The following PCDH11Y variants were observed in gnomAD, a reference collection of about 807,000 sequenced individuals.
The protein encoded by PCDH11Y is protocadherin-11 Y-linked.
For synonymous variants in PCDH11Y, 9 were observed against 83.6 expected (o/e 0.11, Z 4.87); for missense variants, 12 against 224.8 (o/e 0.05, Z 6.05).
intron 2 of PCDH11Y, among the ~76,000 whole-genome samples, chrY:5,254,302 A>G: frequency 3.0e-5 from 1 of 33,597 alleles, no homozygotes; most frequent in Admixed American, 2.8e-4. Flanking sequence ...AAATATTTCT[A>G]AAAATAAAGA....
At chrY:5,506,416 C>T (rs2053359055) in intron 3 of PCDH11Y, among the ~76,000 whole-genome samples, 1 of 32,139 alleles carries the variant, frequency 3.1e-5, no homozygotes, top group African/African-American at 1.2e-4. Context: ...ACGAAAGTCA[C>T]ATATCAATTC....
chrY:5,644,754 A>AGGCAATTCTGC (rs2053525622), intron 4 of PCDH11Y, among the ~76,000 whole-genome samples: 4 of 29,634 alleles, frequency 1.3e-4, no homozygotes, highest in South Asian at 8.0e-4. Context: ...GAATTGCTTG[A>AGGCAATTCTGC]ACCCAGGAGG....
At chrY:5,358,667 C>A (rs2053170841) in intron 2 of PCDH11Y, among the ~76,000 whole-genome samples, 1 of 32,200 alleles carries the variant, frequency 3.1e-5, no homozygotes, top group Non-Finnish European at 7.5e-5. Flanking sequence ...TCACGGAATG[C>A]ACAATTTACA....
At chrY:5,163,628 C>T in intron 2 of PCDH11Y, among the ~76,000 whole-genome samples, 1 of 32,213 alleles carries the variant, frequency 3.1e-5, no homozygotes, top group African/African-American at 1.2e-4. Flanking sequence ...AGTGAGTTCT[C>T]ATTAGATCTG....
chrY:5,373,480 G>A (rs1602914289), intron 2 of PCDH11Y, among the ~76,000 whole-genome samples: 11 of 30,189 alleles, frequency 3.6e-4, no homozygotes, highest in African/African-American at 9.2e-4. Flanking sequence ...CCACTGCGTC[G>A]GCCTGAATTT....
chrY:5,085,105 T>C, intron 1 of PCDH11Y, among the ~76,000 whole-genome samples: 1 of 33,244 alleles, frequency 3.0e-5, no homozygotes, highest in Non-Finnish European at 7.4e-5. Flanking sequence ...CCTGTCTTCC[T>C]CTAGTGAAGG....
intron 3 of PCDH11Y, among the ~76,000 whole-genome samples, chrY:5,530,680 T>A: frequency 3.0e-5 from 1 of 33,174 alleles, no homozygotes; most frequent in South Asian, 6.5e-4. Context: ...ATAGAAAGTT[T>A]TTCTAATTTT....
At chrY:5,211,822 A>G in intron 2 of PCDH11Y, among the ~76,000 whole-genome samples, 1 of 32,369 alleles carries the variant, frequency 3.1e-5, no homozygotes. Context: ...TTGTATTTTT[A>G]GTAGAAATGG....
rs2053586407 is a variant in PCDH11Y, at chrY:5,711,484, G to C, written c.3353-25788G>C. Among the ~76,000 whole-genome samples, 9 of 32,268 alleles carry C rather than the reference G, an allele frequency of 2.8e-4. No individual in the cohort carries two copies. In the South Asian group the frequency reaches 6.6e-3, roughly 24 times the overall value. The allele number at this position is 32,268 out of a possible 37,273, so 86.6% of individuals were successfully genotyped here. On this transcript the variant is annotated intron_variant, in intron 4 of 4. Coordinates refer to the PCDH11Y transcript ENST00000400457. ...ATGGCTTATTGATTTCACATAGGAGGTTACCTTTAGTAAAAAAGATTCAAG... is the reference window on the plus strand; with the variant it reads ...ATGGCTTATTGATTTCACATAGGAGCTTACCTTTAGTAAAAAAGATTCAAG...
chrY:5,044,870 CTTCT>C (rs2052630073), intron 3 of PCDH11Y, among the ~76,000 whole-genome samples: 1 of 33,001 alleles, frequency 3.0e-5, no homozygotes, highest in Non-Finnish European at 7.4e-5. Context: ...ATGTAATGGC[CTTCT>C]TTGTCTCTTT....
At chrY:5,202,399 G>A in intron 2 of PCDH11Y, among the ~76,000 whole-genome samples, 3 of 32,643 alleles carry the variant, frequency 9.2e-5, no homozygotes, top group African/African-American at 3.6e-4. Flanking sequence ...GATTTCTGAG[G>A]CCTTCAAAAG....
At chrY:5,177,932 A>G in intron 2 of PCDH11Y, among the ~76,000 whole-genome samples, 1 of 32,741 alleles carries the variant, frequency 3.1e-5, no homozygotes. Context: ...TTTACATTGC[A>G]TGCCTGTATC....
chrY:5,704,650 C>T, intron 4 of PCDH11Y, among the ~76,000 whole-genome samples: 1 of 30,901 alleles, frequency 3.2e-5, no homozygotes, highest in Non-Finnish European at 7.8e-5. Flanking sequence ...AGGATGGTCT[C>T]GATCTCCTGA....
chrY:5,045,098 T>G, intron 3 of PCDH11Y, among the ~76,000 whole-genome samples: 1 of 33,257 alleles, frequency 3.0e-5, no homozygotes, highest in Non-Finnish European at 7.4e-5. Flanking sequence ...ATTGGAGCAT[T>G]TAGTCCATTT....
intron 1 of PCDH11Y, among the ~76,000 whole-genome samples, chrY:5,085,363 G>A: frequency 1.2e-4 from 4 of 33,532 alleles, no homozygotes; most frequent in East Asian, 7.9e-4. Context: ...CTTGAAAAGC[G>A]GTTGTAGTTA....
At position 5,320,352 on chromosome Y, in the gene PCDH11Y, G is replaced by T. The variant is rs1431503323; in HGVS notation, c.3130-180705G>T. Among the ~76,000 whole-genome samples the T allele has an allele frequency of 2.7e-3, 92 of 33,764 alleles. No individual in the cohort carries two copies. In the East Asian group the frequency reaches 0.07, roughly 26 times the overall value. 90.6% of individuals were successfully genotyped at this position (33,764 alleles called of 37,273 possible). A position where few individuals can be genotyped will look rare whatever the true frequency, so the allele number is the denominator to read the frequency against. On this transcript the variant is annotated intron_variant, in intron 2 of 4. Coordinates refer to the PCDH11Y transcript ENST00000400457. ...TGTACACGTAGTGAAATTGCTAATG[G>T]ATATTGATTGACAAGGCAAAAATCT...
intron 2 of PCDH11Y, among the ~76,000 whole-genome samples, chrY:5,226,080 C>T: frequency 5.1e-5 from 1 of 19,720 alleles, no homozygotes; most frequent in East Asian, 1.3e-3. Flanking sequence ...GACGTGCTCT[C>T]GGCTCACCAC....
intron 2 of PCDH11Y, among the ~76,000 whole-genome samples, chrY:5,228,845 T>C: frequency 9.0e-5 from 3 of 33,160 alleles, no homozygotes; most frequent in South Asian, 1.3e-3. Context: ...TAACATATTA[T>C]CTATCCTTGA....
At chrY:5,658,448 C>G in intron 4 of PCDH11Y, among the ~76,000 whole-genome samples, 1 of 33,314 alleles carries the variant, frequency 3.0e-5, no homozygotes. Context: ...AGGAAAATAA[C>G]ACTTAGATTT....
Sources: allele counts gnomAD v4.1 joint callset (sites outside exome capture counted in the v4.1 genomes callset), GRCh38; gene constraint gnomAD v4.1.1; transcripts MANE v1.5; gene names NCBI Gene and HGNC (gene_info 2026-07-23, HGNC 2026-07-21).